Variants in STXBP5L observed in about 807,000 individuals in gnomAD.
The protein encoded by STXBP5L is syntaxin binding protein 5L.
Under a neutral mutation model 144.5 loss-of-function variants are expected in STXBP5L, and 65 were observed. That is an observed-to-expected ratio of 0.45 (90% CI 0.37 to 0.55). The LOEUF (loss-of-function observed/expected upper bound fraction) is 0.55, where lower values mean the gene tolerates loss of function less well. STXBP5L is among the 20% of genes least tolerant of loss of function. The pLI, the probability that STXBP5L is intolerant of heterozygous loss-of-function variation, is 0.00. For missense variants in STXBP5L, 1,298 were observed against 1,405.5 expected (o/e 0.92, Z 1.22); for synonymous variants, 505 against 469.6 (o/e 1.08, Z -0.97).
chr3:121,139,779 T>C (rs950194372), intron 7 of STXBP5L, among the ~76,000 whole-genome samples: 1 of 152,064 alleles, frequency 6.6e-6, no homozygotes, highest in Non-Finnish European at 1.5e-5. Context: ...AAGGAAACCG[T>C]ACTTAGTAGC....
intron 5 of STXBP5L, among the ~76,000 whole-genome samples, chr3:121,061,609 CTT>C (rs2041281852): frequency 6.6e-6 from 1 of 152,188 alleles, no homozygotes; most frequent in Non-Finnish European, 1.5e-5. Flanking sequence ...GTCTAATTCT[CTT>C]TGTAGGTCTC....
chr3:121,089,279 A>T (rs1438707727), intron 5 of STXBP5L, among the ~76,000 whole-genome samples: 2 of 151,518 alleles, frequency 1.3e-5, no homozygotes, highest in African/African-American at 4.8e-5. Flanking sequence ...GCAATTTTTT[A>T]TTGGTCTTTT....
At chr3:121,072,802 G>C (rs2041861401) in intron 5 of STXBP5L, among the ~76,000 whole-genome samples, 1 of 152,118 alleles carries the variant, frequency 6.6e-6, no homozygotes, top group African/African-American at 2.4e-5. Flanking sequence ...AGCCCATACG[G>C]CTTCTAAGAG....
intron 5 of STXBP5L, among the ~76,000 whole-genome samples, chr3:121,066,410 A>G (rs2041548360): frequency 6.6e-6 from 1 of 150,884 alleles, no homozygotes; most frequent in Admixed American, 6.6e-5. Context: ...TATATTTTAA[A>G]TCATGAATGG....
chr3:121,131,834 A>G (rs1027360855), intron 7 of STXBP5L, among the ~76,000 whole-genome samples: 1 of 152,232 alleles, frequency 6.6e-6, no homozygotes, highest in African/African-American at 2.4e-5. Flanking sequence ...TACAATTCAC[A>G]TATAAATTCC....
chr3:121,084,814 A>G (rs2042413278), intron 5 of STXBP5L, among the ~76,000 whole-genome samples: 1 of 152,186 alleles, frequency 6.6e-6, no homozygotes, highest in African/African-American at 2.4e-5. Flanking sequence ...TGGTTGAACT[A>G]ATTTACATTC....
Position 121,372,078 on chromosome 3 carries a change from G to T in STXBP5L, c.2177-6638G>T, listed in dbSNP as rs552542604. Among the ~76,000 whole-genome samples, 164 of 152,290 alleles carry T rather than the reference G, an allele frequency of 1.1e-3. 1 individual carries two copies. Among genetic ancestry groups the T allele is most frequent in the Non-Finnish European group, 4.3e-4 (29 of 68,014 alleles). ...GCAAAGCAGCATGGAGGCTGCTGTT[G>T]GGGGAGGACTCAGTGTGGTGCAGGC... On this transcript the variant is annotated intron_variant, in intron 20 of 26. Transcript: ENST00000471454.
At chr3:121,124,248 G>A (rs2044604147) in intron 7 of STXBP5L, among the ~76,000 whole-genome samples, 1 of 151,600 alleles carries the variant, frequency 6.6e-6, no homozygotes, top group South Asian at 2.1e-4. Context: ...CTTGATATCT[G>A]GTAAGCTGGT....
intron 9 of STXBP5L, among the ~76,000 whole-genome samples, chr3:121,162,095 C>T (rs2046342243): frequency 6.6e-6 from 1 of 152,052 alleles, no homozygotes; most frequent in Non-Finnish European, 1.5e-5. Flanking sequence ...TAGATCACAG[C>T]ACCCACAAGA....
intron 10 of STXBP5L, among the ~76,000 whole-genome samples, chr3:121,214,876 G>C (rs1480091094): frequency 1.3e-5 from 2 of 152,116 alleles, no homozygotes; most frequent in Non-Finnish European, 2.9e-5. Context: ...CTTACTTTAT[G>C]AATCTGGGTG....
intron 3 of STXBP5L, among the ~76,000 whole-genome samples, chr3:121,036,592 T>C (rs1313634489): frequency 6.6e-6 from 1 of 152,092 alleles, no homozygotes; most frequent in African/African-American, 2.4e-5. Context: ...TTCCTCTTGC[T>C]GTTAAGAATA....
chr3:121,039,997 C>A (rs1156543112), intron 3 of STXBP5L, among the ~76,000 whole-genome samples: 3 of 151,886 alleles, frequency 2.0e-5, no homozygotes, highest in Non-Finnish European at 4.4e-5. Flanking sequence ...TTCTGTATAT[C>A]TACTTAACAT....
intron 3 of STXBP5L, among the ~76,000 whole-genome samples, chr3:120,995,865 T>C (rs1441305747): frequency 2.0e-5 from 3 of 152,152 alleles, no homozygotes; most frequent in Non-Finnish European, 4.4e-5. Context: ...ATTTCCTCTC[T>C]GAAGTTTCAA....
intron 9 of STXBP5L, among the ~76,000 whole-genome samples, chr3:121,189,697 C>G (rs879760807): frequency 2.0e-5 from 3 of 152,114 alleles, no homozygotes; most frequent in Non-Finnish European, 4.4e-5. Flanking sequence ...AATGTCTTGA[C>G]AATGCGGGCT....
In STXBP5L at chr3:120,982,304, G is replaced by A. The variant is rs368607436; in HGVS notation, c.287+27267G>A. On this transcript the variant is annotated intron_variant, in intron 3 of 26. Coordinates refer to ENST00000471454, the MANE Select transcript of STXBP5L (RefSeq NM_001308330.2). ...CCTGCTGAGCTTCCATAGGTGGGGG[G>A]ACAAAGCTGGGTGGAACTGGACATC... Among the ~76,000 whole-genome samples the A allele has an allele frequency of 2.6e-5, 4 of 152,234 alleles. No individual in the cohort carries two copies. The South Asian group carries it at 8.3e-4, about 32-fold the overall frequency.
At chr3:121,358,008 A>G (rs557137342) in intron 20 of STXBP5L, 1 of 152,260 alleles carries the variant, frequency 6.6e-6, no homozygotes, top group Non-Finnish European at 1.5e-5. Context: ...TTGTGGTTGT[A>G]TATATTTATG....
At chr3:121,378,178 G>A (rs1322993740) in intron 20 of STXBP5L, among the ~76,000 whole-genome samples, 3 of 152,000 alleles carry the variant, frequency 2.0e-5, no homozygotes, top group Non-Finnish European at 4.4e-5. Flanking sequence ...GGGGGGTGGG[G>A]GGAAAGGGGA....
intron 20 of STXBP5L, among the ~76,000 whole-genome samples, chr3:121,328,942 G>A (rs1388342624): frequency 6.6e-6 from 1 of 151,196 alleles, no homozygotes; most frequent in Non-Finnish European, 1.5e-5. Flanking sequence ...ATAAAAATAT[G>A]ATGAAAAATT....
intron 3 of STXBP5L, among the ~76,000 whole-genome samples, chr3:120,975,507 C>A (rs1191580480): frequency 6.6e-6 from 1 of 152,180 alleles, no homozygotes; most frequent in African/African-American, 2.4e-5. Context: ...AATTTGACTT[C>A]CTCTTTTCCT....
Sources: gnomAD v4.1 joint callset for allele counts (sites outside exome capture counted in the v4.1 genomes callset) on GRCh38, gnomAD v4.1.1 for gene constraint, MANE v1.5 for transcripts, NCBI Gene and HGNC (gene_info 2026-07-23, HGNC 2026-07-21) for gene names.